NRG3: variants seen among roughly 807,000 people sequenced by gnomAD.
The protein encoded by NRG3 is neuregulin 3.
In NRG3, 31 loss-of-function variants were observed where a neutral mutation model predicts 66.9. The ratio of observed to expected loss-of-function variants is 0.46; its 90% confidence interval spans 0.35 to 0.63. The LOEUF (loss-of-function observed/expected upper bound fraction) is 0.63. Ranked by LOEUF, NRG3 falls within the 20% of genes least tolerant of loss-of-function variation. The pLI is 0.00. For missense variants in NRG3, 910 were observed against 878.9 expected, an observed-to-expected ratio of 1.04 and a Z score of -0.45; for synonymous variants, 393 against 359.4, an observed-to-expected ratio of 1.09 and a Z score of -1.06.
At position 82,617,327 on chromosome 10, in the gene NRG3, C is replaced by A. The variant is rs1004545789; in HGVS notation, c.954-121250C>A. ...CACCACACACACGCACACATAGACACACACACACACAGACACACACACACA... is the reference window on the plus strand; with the variant it reads ...CACCACACACACGCACACATAGACAAACACACACACAGACACACACACACA... On this transcript the variant is annotated intron_variant, in intron 2 of 8. Coordinates refer to ENST00000372141, the MANE Select transcript of NRG3 (RefSeq NM_001010848.4). 4.0e-5 allele frequency among the ~76,000 whole-genome samples: 6 copies of A among 150,400 alleles called. No homozygotes were observed. The Admixed American group carries it at 4.0e-4, about 10-fold the overall frequency.
chr10:82,635,612 G>A (rs2050142696), intron 2 of NRG3, among the ~76,000 whole-genome samples: 1 of 152,018 alleles, frequency 6.6e-6, no homozygotes, highest in South Asian at 2.1e-4. Context: ...TATTATTATT[G>A]TTATCTGTCC....
intron 2 of NRG3, among the ~76,000 whole-genome samples, chr10:82,638,693 C>G (rs1370853748): frequency 6.6e-6 from 1 of 151,840 alleles, no homozygotes; most frequent in African/African-American, 2.4e-5. Context: ...TGTCACCAGG[C>G]TGGAGTGCAG....
chr10:82,441,152 G>A (rs1564924493), intron 2 of NRG3, among the ~76,000 whole-genome samples: 1 of 152,124 alleles, frequency 6.6e-6, no homozygotes, highest in Non-Finnish European at 1.5e-5. Flanking sequence ...GTTTTATCTG[G>A]ACACTGATTA....
chr10:82,911,686 G>C (rs1313902329), intron 4 of NRG3, among the ~76,000 whole-genome samples: 1 of 151,408 alleles, frequency 6.6e-6, no homozygotes, highest in African/African-American at 2.4e-5. Context: ...TCTTTTCAAA[G>C]AATCAGTTTT....
At chr10:82,412,055 A>G (rs2088134743) in intron 2 of NRG3, among the ~76,000 whole-genome samples, 1 of 152,156 alleles carries the variant, frequency 6.6e-6, no homozygotes, top group Non-Finnish European at 1.5e-5. Context: ...AGGAGCCATT[A>G]GCATGATTTT....
At chr10:82,357,152 T>G (rs546393866) in intron 1 of NRG3, among the ~76,000 whole-genome samples, 15 of 152,350 alleles carry the variant, frequency 9.8e-5, no homozygotes, top group African/African-American at 3.1e-4. Context: ...GTGACAGTTC[T>G]TGGTATTTTG....
intron 1 of NRG3, among the ~76,000 whole-genome samples, chr10:82,352,352 T>C (rs1339819715): frequency 6.6e-6 from 1 of 151,958 alleles, no homozygotes; most frequent in Non-Finnish European, 1.5e-5. Flanking sequence ...GGCTCATTTT[T>C]GTTAGACTTT....
At chr10:82,687,782 C>A (rs1212104536) in intron 2 of NRG3, among the ~76,000 whole-genome samples, 2 of 151,912 alleles carry the variant, frequency 1.3e-5, no homozygotes, top group Non-Finnish European at 2.9e-5. Flanking sequence ...GAAGCTGGTC[C>A]CCACATCTTC....
intron 1 of NRG3, among the ~76,000 whole-genome samples, chr10:81,912,266 G>T (rs1388914324): frequency 1.3e-5 from 2 of 152,152 alleles, no homozygotes; most frequent in Non-Finnish European, 2.9e-5. Context: ...CTGTTGCTCA[G>T]ACTGGAGTTC....
At chr10:82,971,782 A>T (rs1047139585) in intron 6 of NRG3, among the ~76,000 whole-genome samples, 4 of 152,186 alleles carry the variant, frequency 2.6e-5, no homozygotes, top group Non-Finnish European at 5.9e-5. Context: ...GTAGATAAAA[A>T]TTTATGAATA....
At chr10:82,167,184 A>G (rs2072149457) in intron 1 of NRG3, among the ~76,000 whole-genome samples, 2 of 151,834 alleles carry the variant, frequency 1.3e-5, no homozygotes, top group Admixed American at 1.3e-4. Context: ...TTGCATGCCT[A>G]GTAATTTTTT....
chr10:82,375,115 G>A (rs2085131469), intron 2 of NRG3, among the ~76,000 whole-genome samples: 4 of 152,204 alleles, frequency 2.6e-5, no homozygotes, highest in Admixed American at 2.6e-4. Context: ...GAACTTTTAA[G>A]TTGGGGGAAA....
chr10:82,284,688 A>G (rs1014088993), intron 1 of NRG3, among the ~76,000 whole-genome samples: 4 of 152,188 alleles, frequency 2.6e-5, no homozygotes, highest in African/African-American at 9.7e-5. Context: ...ATTTAATTTT[A>G]GCACACCTAA....
chr10:82,966,179 C>T (rs1282157466), intron 6 of NRG3, among the ~76,000 whole-genome samples: 2 of 152,176 alleles, frequency 1.3e-5, no homozygotes, highest in African/African-American at 2.4e-5. Flanking sequence ...TTGGCATTCT[C>T]ACAATTGCTA....
chr10:82,519,844 G>A (rs1434943203), intron 2 of NRG3, among the ~76,000 whole-genome samples: 2 of 152,146 alleles, frequency 1.3e-5, no homozygotes, highest in Non-Finnish European at 2.9e-5. Flanking sequence ...GCTTGGTGAA[G>A]TCTTTGAAGT....
At chr10:82,678,899 CGT>C (rs2053912125) in intron 2 of NRG3, among the ~76,000 whole-genome samples, 2 of 152,044 alleles carry the variant, frequency 1.3e-5, no homozygotes. Context: ...TTCTGAGCAC[CGT>C]GTATACATAT....
intron 1 of NRG3, among the ~76,000 whole-genome samples, chr10:81,945,862 A>G (rs1464877359): frequency 1.3e-5 from 2 of 152,148 alleles, no homozygotes; most frequent in East Asian, 1.9e-4. Flanking sequence ...GGAGAATGCC[A>G]TGTGAGGAAG....
chr10:82,746,160 G>A (rs2058636497), intron 3 of NRG3, among the ~76,000 whole-genome samples: 1 of 152,158 alleles, frequency 6.6e-6, no homozygotes, highest in South Asian at 2.1e-4. Flanking sequence ...CCAAAGTGCT[G>A]GGATTACAGG....
intron 2 of NRG3, among the ~76,000 whole-genome samples, chr10:82,378,469 T>A (rs1400379875): frequency 1.3e-5 from 2 of 152,166 alleles, no homozygotes; most frequent in African/African-American, 4.8e-5. Flanking sequence ...TCCCTGTAAC[T>A]TAGGGAAAGA....
Sources: gnomAD v4.1 joint callset for allele counts (sites outside exome capture counted in the v4.1 genomes callset) on GRCh38, gnomAD v4.1.1 for gene constraint, MANE v1.5 for transcripts, NCBI Gene and HGNC (gene_info 2026-07-23, HGNC 2026-07-21) for gene names.